IQCN: variants seen among roughly 807,000 people sequenced by gnomAD.
The protein encoded by IQCN is IQ motif containing N, also known as IQ domain-containing protein N.
A neutral mutation model predicts 64.4 loss-of-function variants in IQCN; 46 were observed. That is an observed-to-expected ratio of 0.71 (90% CI 0.56 to 0.91). The LOEUF (loss-of-function observed/expected upper bound fraction) is 0.91. Ranked by LOEUF, IQCN falls within the 40% of genes least tolerant of loss-of-function variation. IQCN has a pLI of 0.00. For missense variants in IQCN, 1,753 were observed against 1,857.4 expected, an observed-to-expected ratio of 0.94 and a Z score of 1.03; for synonymous variants, 733 against 775.6, an observed-to-expected ratio of 0.95 and a Z score of 0.91.
rs568776092 is a variant in IQCN, at chr19:18,257,538, A to G, written c.3746T>C (p.Val1249Ala). The change falls in exon 4 of 4, where the codon GTG (valine) becomes GCG (alanine). Residue 1249 changes from valine to alanine, a missense_variant. By Grantham distance (64) the Val-to-Ala change is moderately conservative. Coordinates refer to ENST00000392413, the MANE Select transcript of IQCN (RefSeq NM_001145304.2). ...IGSPPSVVML[V>A]GSSPRTCHTC... ...ATGACAGGTGCGAGGGCTGGAGCCCACTAGCATCACCACGCTGGGCGGGCT... is the reference window on the plus strand; with the variant it reads ...ATGACAGGTGCGAGGGCTGGAGCCCGCTAGCATCACCACGCTGGGCGGGCT... 1.2e-6 allele frequency: 2 copies of G among 1,612,076 alleles called. No individual in the cohort carries two copies. The highest frequency in any genetic ancestry group is 2.2e-5 in the South Asian group (2 of 90,968).
Position 18,257,635 on chromosome 19 carries a change from C to A in IQCN, c.3649G>T (p.Asp1217Tyr). 2 of 1,612,418 alleles carry A rather than the reference C, an allele frequency of 1.2e-6. No individual in the cohort carries two copies. Among genetic ancestry groups the A allele is most frequent in the South Asian group, 2.2e-5 (2 of 90,970 alleles). ...TGGCAGGACTGGAAGCAGCGATGGT[C>A]AGATACTGTCCTGGCTCTGCCATCC... ...FQDGRARTVS[D>Y]HRCFQSCQAH... The change falls in exon 4 of 4, where the codon GAC (aspartate) becomes TAC (tyrosine). Residue 1217 changes from aspartate to tyrosine, a missense_variant. Transcript: ENST00000392413.
intron 1 of IQCN, among the ~76,000 whole-genome samples, chr19:18,270,578 G>A (rs1053925634): frequency 6.6e-5 from 10 of 152,184 alleles, no homozygotes; most frequent in African/African-American, 1.9e-4. Flanking sequence ...AGGATCATTT[G>A]AGGCCAGGAG....
Position 18,266,426 on chromosome 19 carries a change from C to A in IQCN, c.1114G>T (p.Val372Leu). 1 of 1,585,890 alleles carries A rather than the reference C, an allele frequency of 6.3e-7. No individual in the cohort carries two copies. Among genetic ancestry groups the A allele is most frequent in the Non-Finnish European group, 8.6e-7 (1 of 1,166,674 alleles). Residue 372 changes from valine to leucine, a missense_variant, in exon 3 of 4, where the codon GTA becomes TTA. Val to Leu is a conservative substitution (Grantham distance 32, BLOSUM62 1). Transcript: ENST00000392413. This position sits in a 1 kb window ranked among gnomAD's most constrained non-coding sequence, Gnocchi z 4.3. Reference protein sequence around the residue: ...TPPKTSPVPKVTIIKTPAQMY... With the variant: ...TPPKTSPVPKLTIIKTPAQMY... Reference sequence around the variant, plus strand: ...TGGGCTGGGGTCTTGATTATTGTTACTTTGGGAACTGGGCTAGTCTTGGGT... The same window carrying A: ...TGGGCTGGGGTCTTGATTATTGTTAATTTGGGAACTGGGCTAGTCTTGGGT...
At position 18,265,351 on chromosome 19, in the gene IQCN, T is replaced by C; in HGVS notation, c.2189A>G (p.Gln730Arg). Residue 730 changes from glutamine to arginine, a missense_variant, in exon 3 of 4, where the codon CAG (glutamine) becomes CGG (arginine). By Grantham distance (43) the Gln-to-Arg change is conservative. Transcript: ENST00000392413. This position sits in a 1 kb window ranked among gnomAD's most constrained non-coding sequence, Gnocchi z 4.7. ...ACAGGTGGCTAGAGGCGCTTGGGAC[T>C]GGACCTTCACGGCACCTGTGGCCAG... ...THLATGAVKV[Q>R]SQAPLATCLT... The C allele has an allele frequency of 1.9e-6, 3 of 1,614,138 alleles. No homozygotes were observed. The highest frequency in any genetic ancestry group is 2.2e-5 in the South Asian group (2 of 91,082).
At chr19:18,267,842 G>A (rs1323079322) in intron 2 of IQCN, 1 of 200,698 alleles carries the variant, frequency 5.0e-6, no homozygotes, top group Non-Finnish European at 9.8e-6. Flanking sequence ...GCCCAGGCTG[G>A]AGTGCAATGC....
chr19:18,271,156 A>G (rs1298792341), intron 1 of IQCN, among the ~76,000 whole-genome samples: 1 of 138,814 alleles, frequency 7.2e-6, no homozygotes, highest in Non-Finnish European at 1.5e-5. Context: ...TGGGCGACAG[A>G]GTGAGACTCT....
chr19:18,265,080 T>C lies in IQCN; in HGVS notation c.2460A>G (p.Gly820=). 6.2e-7 allele frequency: 1 copy of C among 1,601,498 alleles called. No homozygotes were observed. The highest frequency in any genetic ancestry group is 8.5e-7 in the Non-Finnish European group (1 of 1,179,798). Residue 820 remains glycine, a synonymous_variant, in exon 3 of 4, where the codon GGA becomes GGG. Coordinates refer to ENST00000392413, the MANE Select transcript of IQCN (RefSeq NM_001145304.2). The surrounding 1 kb of genome is among the most constrained non-coding windows in gnomAD (Gnocchi z 4.7). ...GGACCTCACAGGCTGCCGGGCATGG[T>C]CCCCCCTGAGTGGTCTTCCCCGGCA... ...GHVPGKTTQG[G]PCPAACEVQG...
In IQCN at chr19:18,266,283, G is replaced by A. The variant is rs1568280234; in HGVS notation, c.1257C>T (p.Cys419=). The change falls in exon 3 of 4, where the codon TGC becomes TGT. Residue 419 remains cysteine (C), a synonymous_variant. Coordinates refer to ENST00000392413, the MANE Select transcript of IQCN (RefSeq NM_001145304.2). This position sits in a 1 kb window ranked among gnomAD's most constrained non-coding sequence, Gnocchi z 4.3. ...GGTTCTTTGCCGTGATGGTCGCAGGGCATGTCTGCCGTGGGGTGCCAGTTC... is the reference window on the plus strand; with the variant it reads ...GGTTCTTTGCCGTGATGGTCGCAGGACATGTCTGCCGTGGGGTGCCAGTTC... ...ASRTGTPRQT[C]PATITAKNRP... 1 of 1,613,592 alleles carries A rather than the reference G, an allele frequency of 6.2e-7. No individual in the cohort carries two copies. Among genetic ancestry groups the A allele is most frequent in the Non-Finnish European group, 8.5e-7 (1 of 1,179,776 alleles).
In IQCN at chr19:18,264,542, G is replaced by C. The variant is rs201716416; in HGVS notation, c.2998C>G (p.Leu1000Val). 1.1e-3 allele frequency: 1,708 copies of C among 1,551,384 alleles called. 4 individuals are homozygous for C. Among genetic ancestry groups the C allele is most frequent in the Non-Finnish European group, 1.4e-3 (1,659 of 1,146,942 alleles). ...ALCQGELGALLSQSWCRVALR... is the reference protein window; with the variant it reads ...ALCQGELGALVSQSWCRVALR... ...GCCACCCGACACCAAGACTGGCTCA[G>C]GAGAGCACCCAGCTCACCCTGACAC... is the stretch of plus-strand genomic sequence containing the variant. Residue 1000 changes from leucine (L) to valine (V), a missense_variant, in exon 3 of 4, where the codon CTG (leucine) becomes GTG (valine). Leu to Val is a conservative substitution (Grantham distance 32, BLOSUM62 1). Transcript: ENST00000392413. This position sits in a 1 kb window ranked among gnomAD's most constrained non-coding sequence, Gnocchi z 4.3.
Position 18,264,408 on chromosome 19 carries a change from G to A in IQCN, c.3132C>T (p.Ala1044=), listed in dbSNP as rs373145884. Reference sequence around the variant, plus strand: ...CGGGGCCCAGGGAGGGCCCCCATGCGGCCGATGGACTCCTCCTGCAGGCCA... The same window carrying A: ...CGGGGCCCAGGGAGGGCCCCCATGCAGCCGATGGACTCCTCCTGCAGGCCA... ...VKVACRRSPS[A]AWGPSLGPVR... Residue 1044 remains alanine, a synonymous_variant, in exon 3 of 4, where the codon GCC becomes GCT. Transcript: ENST00000392413. This position sits in a 1 kb window ranked among gnomAD's most constrained non-coding sequence, Gnocchi z 4.3. The A allele has an allele frequency of 1.4e-4, 222 of 1,533,614 alleles. 2 individuals are homozygous for A. In the South Asian group the frequency reaches 1.5e-3, roughly 10 times the overall value.
chr19:18,265,976 A>G lies in IQCN; in HGVS notation c.1564T>C (p.Ser522Pro). The G allele has an allele frequency of 6.2e-7, 1 of 1,614,054 alleles. No homozygotes were observed. Among genetic ancestry groups the G allele is most frequent in the South Asian group, 1.1e-5 (1 of 91,068 alleles). The change falls in exon 3 of 4, where the codon TCT becomes CCT. Residue 522 changes from serine (S) to proline (P), a missense_variant. By Grantham distance (74) the Ser-to-Pro change is moderately conservative (BLOSUM62 -1). Transcript: ENST00000392413. This position sits in a 1 kb window ranked among gnomAD's most constrained non-coding sequence, Gnocchi z 4.7. ...ATILKTLCLASPTVANVKAPP... is the reference protein window; with the variant it reads ...ATILKTLCLAPPTVANVKAPP... ...GCCTTGACATTTGCCACTGTTGGAGAGGCCAGACACAGAGTCTTGAGGATG... is the reference window on the plus strand; with the variant it reads ...GCCTTGACATTTGCCACTGTTGGAGGGGCCAGACACAGAGTCTTGAGGATG...
At position 18,259,983 on chromosome 19, in the gene IQCN, C is replaced by T. The variant is rs1969390513; in HGVS notation, c.3178-1877G>A. On this transcript the variant is annotated intron_variant, in intron 3 of 3. Coordinates refer to ENST00000392413, the MANE Select transcript of IQCN (RefSeq NM_001145304.2). Reference sequence around the variant, plus strand: ...TCTCCAGGGGAGATTCCCAGCTAGGCCAGGAGATGTGGTCCCCTGAGACCC... The same window carrying T: ...TCTCCAGGGGAGATTCCCAGCTAGGTCAGGAGATGTGGTCCCCTGAGACCC... 2.0e-5 allele frequency: 3 copies of T among 152,424 alleles called. No homozygotes were observed. In the South Asian group the frequency reaches 6.2e-4, roughly 32 times the overall value. The allele number at this position is 152,424 out of a possible 1,614,324, so 9.4% of individuals were successfully genotyped here.
At chr19:18,267,673 C>G in intron 2 of IQCN, 147 bp from the exon 3 acceptor site, 1 of 995,824 alleles carries the variant, frequency 1.0e-6, no homozygotes. Context: ...CCCTCCCTCT[C>G]CCAAGTGGTC....
chr19:18,264,901 AAGG>A lies in IQCN; in HGVS notation c.2636_2638del (p.Ser879del), dbSNP rs749309515. On this transcript the variant is annotated inframe_deletion, in exon 3 of 4. Coordinates refer to ENST00000392413, the MANE Select transcript of IQCN (RefSeq NM_001145304.2). This position sits in a 1 kb window ranked among gnomAD's most constrained non-coding sequence, Gnocchi z 4.3. ...CAGCACACCAGCTACTTCAGCACACAAGGAGGCCAGCAGGGAGCCTACCGTGTC... is the reference window on the plus strand; with the variant it reads ...CAGCACACCAGCTACTTCAGCACACAAGGCCAGCAGGGAGCCTACCGTGTC... 19 of 1,613,218 alleles carry A rather than the reference AAGG, an allele frequency of 1.2e-5. No homozygotes were observed. The African/African-American group carries it at 2.1e-4, about 18-fold the overall frequency.
rs764928668 is a variant in IQCN at position 18,257,738 on chromosome 19, G to A, written c.3546C>T (p.His1182=). 6.2e-7 allele frequency: 1 copy of A among 1,610,926 alleles called. No individual in the cohort carries two copies. Among genetic ancestry groups the A allele is most frequent in the East Asian group, 2.2e-5 (1 of 44,838 alleles). The change falls in exon 4 of 4, where the codon CAC becomes CAT. Residue 1182 remains histidine (H), a synonymous_variant. Coordinates refer to ENST00000392413, the MANE Select transcript of IQCN (RefSeq NM_001145304.2). ...ACGTGACGGGGTGGAGCATCTGCCA[G>A]TGCCGGGCTTGGTCCCGGCGGGTGC... ...GYSTRRDQAR[H]WQMLHPVTWV... is the part of the protein sequence containing the mutation.
Position 18,265,128 on chromosome 19 carries a change from GGTCT to G in IQCN, c.2408_2411del (p.Gln803ProfsTer70). ...GCACGTGTCCGTGGGGCTGTGGCTGGGTCTGTCTGTCCTCTGGCTTGGCCCAGGG... is the reference window on the plus strand; with the variant it reads ...GCACGTGTCCGTGGGGCTGTGGCTGGGTCTGTCCTCTGGCTTGGCCCAGGG... On this transcript the variant is annotated frameshift_variant, in exon 3 of 4. Transcript: ENST00000392413. LOFTEE classifies it high-confidence loss of function. The surrounding 1 kb of genome is among the most constrained non-coding windows in gnomAD (Gnocchi z 4.7). 1 of 1,605,718 alleles carries G rather than the reference GGTCT, an allele frequency of 6.2e-7. No individual in the cohort carries two copies. The highest frequency in any genetic ancestry group is 8.5e-7 in the Non-Finnish European group (1 of 1,179,808).
rs936855897 is a variant in IQCN at position 18,264,156 on chromosome 19, C to T, written c.3177+207G>A. Among the ~76,000 whole-genome samples, 6 of 152,122 alleles carry T rather than the reference C, an allele frequency of 3.9e-5. No homozygotes were observed. Among genetic ancestry groups the T allele is most frequent in the Non-Finnish European group, 7.4e-5 (5 of 68,018 alleles). The stretch of plus-strand genomic sequence containing the variant: ...GTCCCTGCTGGACTCCATCATCTCC[C>T]GGGACAGCATGGGATACAGGCCAGT... On this transcript the variant is annotated intron_variant, in intron 3 of 3. Coordinates refer to ENST00000392413, the MANE Select transcript of IQCN (RefSeq NM_001145304.2). The surrounding 1 kb of genome is among the most constrained non-coding windows in gnomAD (Gnocchi z 4.3).
chr19:18,273,181 G>C (rs1969778579), intron 1 of IQCN, among the ~76,000 whole-genome samples: 1 of 151,758 alleles, frequency 6.6e-6, no homozygotes, highest in East Asian at 1.9e-4. Context: ...ACAGGCACTT[G>C]CCACCACACT....
At chr19:18,274,196 AGCCCC>A (rs1163155714) in intron 1 of IQCN, among the ~76,000 whole-genome samples, 1 of 152,162 alleles carries the variant, frequency 6.6e-6, no homozygotes, top group African/African-American at 2.4e-5. Flanking sequence ...AGGTCCCTAG[AGCCCC>A]TGCTGTGAGG....
Sources: allele counts gnomAD v4.1 joint callset (sites outside exome capture counted in the v4.1 genomes callset), GRCh38; gene constraint gnomAD v4.1.1; non-coding constraint Gnocchi (gnomAD v3.1); transcripts MANE v1.5; gene names NCBI Gene and HGNC (gene_info 2026-07-23, HGNC 2026-07-21).